Variants in ANO4 observed in about 807,000 individuals in gnomAD.
ANO4 encodes the protein anoctamin 4, also known as anoctamin-4.
In ANO4, 69 loss-of-function variants were observed where a neutral mutation model predicts 141.9. That is an observed-to-expected ratio of 0.49 (90% confidence interval 0.40 to 0.59). The LOEUF is 0.59. Among genes scored for constraint, ANO4 ranks in the 20% least tolerant of loss-of-function variants. The pLI, the probability that ANO4 is intolerant of heterozygous loss-of-function variation, is 0.00. For missense variants in ANO4, 894 were observed against 1,162.2 expected, an observed-to-expected ratio of 0.77 and a Z score of 3.36; for synonymous variants, 350 against 394.3, an observed-to-expected ratio of 0.89 and a Z score of 1.33.
At chr12:101,081,991 G>A (rs1342556970) in intron 15 of ANO4, among the ~76,000 whole-genome samples, 1 of 152,110 alleles carries the variant, frequency 6.6e-6, no homozygotes, top group African/African-American at 2.4e-5. Flanking sequence ...AGTACTGCGG[G>A]TTAGGACTTC....
chr12:100,850,130 T>C (rs1289723332), intron 1 of ANO4, among the ~76,000 whole-genome samples: 2 of 152,238 alleles, frequency 1.3e-5, no homozygotes, highest in East Asian at 3.8e-4. Context: ...TAGGGATATT[T>C]AGTTAATAAA....
intron 1 of ANO4, among the ~76,000 whole-genome samples, chr12:100,836,624 G>T (rs1305959992): frequency 6.6e-6 from 1 of 151,886 alleles, no homozygotes; most frequent in Non-Finnish European, 1.5e-5. Context: ...ATCTGGGAGT[G>T]CTTTGAGAAC....
chr12:101,003,623 T>C (rs1450043208), intron 8 of ANO4, among the ~76,000 whole-genome samples: 1 of 152,216 alleles, frequency 6.6e-6, no homozygotes, highest in Non-Finnish European at 1.5e-5. Context: ...TCTGTGAGCT[T>C]ACGGGGCTCA....
At chr12:100,788,476 G>A in intron 3 of ANO4, among the ~76,000 whole-genome samples, 1 of 152,102 alleles carries the variant, frequency 6.6e-6, no homozygotes, top group African/African-American at 2.4e-5. Context: ...CCTGTCACTG[G>A]ATAGCATTTT....
At chr12:100,972,957 A>T (rs2043996657) in intron 6 of ANO4, among the ~76,000 whole-genome samples, 1 of 152,240 alleles carries the variant, frequency 6.6e-6, no homozygotes. Flanking sequence ...ACACTTCTGC[A>T]TGCCTACTAC....
At chr12:100,878,551 A>T (rs1363845609) in intron 1 of ANO4, among the ~76,000 whole-genome samples, 1 of 152,182 alleles carries the variant, frequency 6.6e-6, no homozygotes, top group Non-Finnish European at 1.5e-5. Context: ...AATCTCAGCA[A>T]CTTTGAGTGA....
At chr12:101,120,310 A>C (rs1289724511) in intron 25 of ANO4, among the ~76,000 whole-genome samples, 1 of 152,184 alleles carries the variant, frequency 6.6e-6, no homozygotes, top group East Asian at 1.9e-4. Flanking sequence ...TGGAGGGGGA[A>C]GTCCTAGTCA....
At position 101,076,036 on chromosome 12, in the gene ANO4, A is replaced by ACAAG. The variant is rs1231639113; in HGVS notation, c.1313-3154_1313-3151dup. On this transcript the variant is annotated intron_variant, in intron 14 of 27. Coordinates refer to ENST00000392977, the MANE Select transcript of ANO4 (RefSeq NM_001286615.2). ...ATACCGACAAGGGAATGGCAGTTGC[A>ACAAG]CAAGCAGCTAATTTCTTCTTCTCTT... is the stretch of plus-strand genomic sequence containing the variant. 4.6e-5 allele frequency among the ~76,000 whole-genome samples: 7 copies of ACAAG among 152,322 alleles called. No individual in the cohort carries two copies. The East Asian group carries it at 1.3e-3, about 29-fold the overall frequency.
intron 3 of ANO4, among the ~76,000 whole-genome samples, chr12:100,750,694 T>G (rs890598052): frequency 7.9e-5 from 12 of 152,164 alleles, no homozygotes; most frequent in Non-Finnish European, 1.0e-4. Context: ...CCACCAGTTA[T>G]AAGTGGGAAG....
At chr12:100,979,040 C>T (rs118034951) in intron 7 of ANO4, among the ~76,000 whole-genome samples, 5,401 of 152,016 alleles carry the variant, frequency 0.036, 173 homozygotes, top group Non-Finnish European at 0.056. Flanking sequence ...AAGAGAAGAG[C>T]GCCTGTGGCA....
intron 2 of ANO4, among the ~76,000 whole-genome samples, chr12:100,736,614 G>T (rs988140324): frequency 6.6e-6 from 1 of 152,142 alleles, no homozygotes; most frequent in African/African-American, 2.4e-5. Flanking sequence ...GTACTTTGAA[G>T]TTCGAATCCC....
Position 100,901,716 on chromosome 12 carries a change from C to A in ANO4, c.-70C>A. The A allele has an allele frequency of 7.0e-7, 1 of 1,425,850 alleles. No homozygotes were observed. The highest frequency in any genetic ancestry group is 9.9e-7 in the Non-Finnish European group (1 of 1,008,592). 88.3% of individuals were successfully genotyped at this position (1,425,850 alleles called of 1,614,324 possible). On this transcript the variant is annotated 5_prime_UTR_variant, in exon 2 of 28. Coordinates refer to ENST00000392977, the MANE Select transcript of ANO4 (RefSeq NM_001286615.2). ...ATCAACGGCGAAGTGTGGCAAGCCG[C>A]CCAGCGTCACGTCGTCGCCTGCCTG... is the stretch of plus-strand genomic sequence containing the variant.
chr12:101,125,603 A>G (rs988816256), intron 26 of ANO4, among the ~76,000 whole-genome samples: 2 of 152,096 alleles, frequency 1.3e-5, no homozygotes, highest in Non-Finnish European at 2.9e-5. Flanking sequence ...TTGGATTGTT[A>G]TCAAAGACCT....
chr12:101,094,525 G>A (rs1299789522), intron 18 of ANO4, among the ~76,000 whole-genome samples: 2 of 152,054 alleles, frequency 1.3e-5, no homozygotes, highest in Non-Finnish European at 1.5e-5. Flanking sequence ...GTAATTTAAG[G>A]TAGATTTTCT....
chr12:100,865,409 C>G (rs1260504489), intron 1 of ANO4, among the ~76,000 whole-genome samples: 3 of 152,050 alleles, frequency 2.0e-5, no homozygotes, highest in Non-Finnish European at 4.4e-5. Context: ...TGCAATCTAT[C>G]CATCTGACAA....
In ANO4 at chr12:101,005,878, A is replaced by G. The variant is rs564592183; in HGVS notation, c.735-14156A>G. Among the ~76,000 whole-genome samples the G allele has an allele frequency of 2.6e-5, 4 of 152,028 alleles. No homozygotes were observed. In the East Asian group the frequency reaches 7.7e-4, roughly 29 times the overall value. ...CTCTTACTTTTTTCTTCTCTTTTCT[A>G]TAGCATCCTTTCTCCTTTCTTTTCC... On this transcript the variant is annotated intron_variant, in intron 8 of 27. Transcript: ENST00000392977.
intron 1 of ANO4, among the ~76,000 whole-genome samples, chr12:100,839,546 T>C (rs1475093100): frequency 1.3e-5 from 2 of 152,176 alleles, no homozygotes; most frequent in Non-Finnish European, 2.9e-5. Flanking sequence ...CATAGTTTAA[T>C]TGGCCTTTTT....
rs1336164088 is a variant in ANO4 at position 101,097,850 on chromosome 12, C to T, written c.1911C>T (p.Cys637=). The part of the protein sequence containing the change: ...RLINRWRLEE[C]HPSGCLIDLC... The stretch of plus-strand genomic sequence containing the variant: ...TTCTGTGTTTGCTTACCTTGCAGTG[C>T]CACCCTAGTGGATGCCTTATTGATC... The change falls in exon 21 of 28, where the codon TGC becomes TGT. Residue 637 remains cysteine (C), a splice_region_variant and synonymous_variant. Coordinates refer to ENST00000392977, the MANE Select transcript of ANO4 (RefSeq NM_001286615.2). 1 of 1,613,488 alleles carries T rather than the reference C, an allele frequency of 6.2e-7. No individual in the cohort carries two copies.
chr12:100,943,797 CTCTT>C (rs1409131840), intron 5 of ANO4, among the ~76,000 whole-genome samples: 1 of 152,284 alleles, frequency 6.6e-6, no homozygotes, highest in East Asian at 1.9e-4. Flanking sequence ...ATAAATCTTA[CTCTT>C]TAAGTTCTAA....
Sources: gnomAD v4.1 joint callset for allele counts (sites outside exome capture counted in the v4.1 genomes callset) on GRCh38, gnomAD v4.1.1 for gene constraint, MANE v1.5 for transcripts, NCBI Gene and HGNC (gene_info 2026-07-23, HGNC 2026-07-21) for gene names.